Variants in GFOD1 observed in about 807,000 individuals in gnomAD.
GFOD1 encodes the protein glucose-fructose oxidoreductase domain-containing protein 1.
GFOD1 carries 9 observed loss-of-function variants against 25.4 expected under a neutral mutation model. The observed-to-expected ratio is 0.35, with a 90% CI of 0.21 to 0.62. GFOD1 has a LOEUF of 0.62. Among genes scored for constraint, GFOD1 ranks in the 20% least tolerant of loss-of-function variants. GFOD1 has a pLI of 0.72. For missense variants in GFOD1, 403 were observed against 556.9 expected (o/e 0.72, Z 2.78); for synonymous variants, 253 against 245.6 (o/e 1.03, Z -0.28).
intron 1 of GFOD1, among the ~76,000 whole-genome samples, chr6:13,457,274 G>A (rs886128309): frequency 3.9e-5 from 6 of 152,194 alleles, no homozygotes; most frequent in African/African-American, 1.4e-4. Flanking sequence ...AAAATGGAGG[G>A]ATGGTGTCTA....
At chr6:13,398,065 C>G (rs1229797189) in intron 1 of GFOD1, among the ~76,000 whole-genome samples, 1 of 152,188 alleles carries the variant, frequency 6.6e-6, no homozygotes. Context: ...CTGGGTTTGA[C>G]TCCAGGGGCT....
At position 13,473,791 on chromosome 6, in the gene GFOD1, G is replaced by A. The variant is rs538332186; in HGVS notation, c.253+12847C>T. Among the ~76,000 whole-genome samples the A allele has an allele frequency of 4.4e-4, 67 of 152,078 alleles. 2 individuals are homozygous for A. The South Asian group carries it at 5.8e-3, about 13-fold the overall frequency. ...CCCACCTTTTCCAAGAGGTCTTCTG[G>A]GACCCTTCCAGCTCTCAGGAATGCC... On this transcript the variant is annotated intron_variant, in intron 1 of 1. Transcript: ENST00000379287.
chr6:13,382,933 T>C (rs996489874), intron 1 of GFOD1, among the ~76,000 whole-genome samples: 7 of 152,190 alleles, frequency 4.6e-5, no homozygotes, highest in African/African-American at 1.7e-4. Flanking sequence ...GGTTTTCTGT[T>C]CCTGTGTTAG....
At chr6:13,423,379 T>C (rs1363952137) in intron 1 of GFOD1, among the ~76,000 whole-genome samples, 1 of 152,184 alleles carries the variant, frequency 6.6e-6, no homozygotes, top group African/African-American at 2.4e-5. Flanking sequence ...CCTGACACCA[T>C]ACCTGACACA....
At chr6:13,475,841 T>C (rs1226745207) in intron 1 of GFOD1, among the ~76,000 whole-genome samples, 1 of 151,918 alleles carries the variant, frequency 6.6e-6, no homozygotes, top group Non-Finnish European at 1.5e-5. Flanking sequence ...GGAGAATCAC[T>C]TGAACCCAGA....
Position 13,400,771 on chromosome 6 carries a change from A to C in GFOD1, c.254-35109T>G, listed in dbSNP as rs75232515. 3.6e-3 allele frequency among the ~76,000 whole-genome samples: 545 copies of C among 152,332 alleles called. 3 individuals carry two copies. Among genetic ancestry groups the C allele is most frequent in the African/African-American group, 0.013 (521 of 41,574 alleles). ...CTTGGGAGACCAGAGACAACACCAT[A>C]TCTGGTGACTAGAGAGTAAAGATGG... is the stretch of plus-strand genomic sequence containing the variant. On this transcript the variant is annotated intron_variant, in intron 1 of 1. Transcript: ENST00000379287.
At chr6:13,475,316 G>A (rs1040803940) in intron 1 of GFOD1, among the ~76,000 whole-genome samples, 1 of 152,198 alleles carries the variant, frequency 6.6e-6, no homozygotes, top group African/African-American at 2.4e-5. Flanking sequence ...GCTCATGCTT[G>A]TAATCCCAGC....
rs199565951 is a variant in GFOD1, at chr6:13,421,985, T to C, written c.254-56323A>G. 5.3e-5 allele frequency among the ~76,000 whole-genome samples: 8 copies of C among 152,290 alleles called. No individual in the cohort carries two copies. The East Asian group carries it at 1.5e-3, about 29-fold the overall frequency. On this transcript the variant is annotated intron_variant, in intron 1 of 1. Transcript: ENST00000379287. The stretch of plus-strand genomic sequence containing the variant: ...TGAAATCATGAGCTACATAATTCCT[T>C]TGGGGGAGAAATATATCCACAGGGG...
intron 1 of GFOD1, among the ~76,000 whole-genome samples, chr6:13,376,167 G>A (rs938609783): frequency 6.6e-6 from 1 of 152,192 alleles, no homozygotes; most frequent in Admixed American, 6.5e-5. Flanking sequence ...TCATGTCAGT[G>A]GCACATACAG....
intron 1 of GFOD1, chr6:13,470,546 A>G (rs765809029): frequency 4.8e-5 from 74 of 1,546,434 alleles, no homozygotes; most frequent in Non-Finnish European, 6.1e-5. Context: ...GAGGGAGCAG[A>G]AGCTCAGCTG....
intron 1 of GFOD1, among the ~76,000 whole-genome samples, chr6:13,391,322 A>T (rs1190887012): frequency 2.0e-5 from 3 of 152,020 alleles, no homozygotes; most frequent in Non-Finnish European, 4.4e-5. Flanking sequence ...ACATGGCAAA[A>T]CCCCGTCTCT....
chr6:13,367,035 T>A (rs1321239067), intron 1 of GFOD1, among the ~76,000 whole-genome samples: 1 of 151,866 alleles, frequency 6.6e-6, no homozygotes, highest in African/African-American at 2.4e-5. Context: ...TACAATATAA[T>A]CTTTTTACAT....
chr6:13,446,923 A>G (rs1758012435), intron 1 of GFOD1, among the ~76,000 whole-genome samples: 1 of 152,226 alleles, frequency 6.6e-6, no homozygotes, highest in South Asian at 2.1e-4. Context: ...GGTTTCCCCA[A>G]TTCTGAGTCC....
chr6:13,420,357 C>T (rs562404569), intron 1 of GFOD1, among the ~76,000 whole-genome samples: 56 of 152,308 alleles, frequency 3.7e-4, no homozygotes, highest in Non-Finnish European at 5.9e-4. Context: ...CGAATTCTGG[C>T]AGGAAGAGGG....
intron 1 of GFOD1, among the ~76,000 whole-genome samples, chr6:13,444,737 C>G (rs1757976343): frequency 6.6e-6 from 1 of 152,060 alleles, no homozygotes; most frequent in African/African-American, 2.4e-5. Context: ...TACTACTGCA[C>G]ACTTAACAGA....
intron 1 of GFOD1, among the ~76,000 whole-genome samples, chr6:13,387,682 G>C (rs912456932): frequency 6.6e-6 from 1 of 152,170 alleles, no homozygotes; most frequent in African/African-American, 2.4e-5. Flanking sequence ...GCACCAACTG[G>C]AAGCATTCCC....
In GFOD1 at chr6:13,430,070, C is replaced by T. The variant is rs1318005838; in HGVS notation, c.253+56568G>A. Among the ~76,000 whole-genome samples, 3 of 152,156 alleles carry T rather than the reference C, an allele frequency of 2.0e-5. No homozygotes were observed. Among genetic ancestry groups the T allele is most frequent in the African/African-American group, 4.8e-5 (2 of 41,428 alleles). On this transcript the variant is annotated intron_variant, in intron 1 of 1. Transcript: ENST00000379287. The surrounding 1 kb of genome is among the most constrained non-coding windows in gnomAD (Gnocchi z 4.1). ...ATATGCAGTGGAAATGGCACCATGTCACTTCCAAGGGTCAGCTATAAAAGG... is the reference window on the plus strand; with the variant it reads ...ATATGCAGTGGAAATGGCACCATGTTACTTCCAAGGGTCAGCTATAAAAGG...
At chr6:13,376,994 C>T (rs1318188028) in intron 1 of GFOD1, among the ~76,000 whole-genome samples, 1 of 151,014 alleles carries the variant, frequency 6.6e-6, no homozygotes, top group East Asian at 1.9e-4. Context: ...GAAGGGATCA[C>T]AAGTGTATTT....
intron 1 of GFOD1, among the ~76,000 whole-genome samples, chr6:13,421,975 C>T (rs1291187085): frequency 6.6e-6 from 1 of 152,192 alleles, no homozygotes; most frequent in Non-Finnish European, 1.5e-5. Context: ...TCATGAGCTA[C>T]ATAATTCCTT....
Sources: gnomAD v4.1 joint callset for allele counts (sites outside exome capture counted in the v4.1 genomes callset) on GRCh38, gnomAD v4.1.1 for gene constraint, Gnocchi (gnomAD v3.1) non-coding constraint, MANE v1.5 for transcripts, NCBI Gene and HGNC (gene_info 2026-07-23, HGNC 2026-07-21) for gene names.